Variants in NKAPD1 observed in about 807,000 individuals in gnomAD.
The protein encoded by NKAPD1 is NKAP domain containing 1.
A neutral mutation model predicts 30.9 loss-of-function variants in NKAPD1; 12 were observed. The ratio of observed to expected loss-of-function variants is 0.39; its 90% CI spans 0.25 to 0.63. NKAPD1 has a LOEUF of 0.63. NKAPD1 is among the 20% of genes least tolerant of loss of function. The pLI, the probability that NKAPD1 is intolerant of heterozygous loss-of-function variation, is 0.51. For synonymous variants in NKAPD1, 91 were observed against 113.6 expected, an observed-to-expected ratio of 0.80 and a Z score of 1.26; for missense variants, 311 against 344.5, an observed-to-expected ratio of 0.90 and a Z score of 0.77.
At chr11:112,075,263 G>A (rs1865294977) in intron 1 of NKAPD1, among the ~76,000 whole-genome samples, 1 of 152,218 alleles carries the variant, frequency 6.6e-6, no homozygotes, top group Non-Finnish European at 1.5e-5. Flanking sequence ...TAGGGATGGA[G>A]ATACTTGCCT....
chr11:112,078,823 T>C (rs1865384607), intron 3 of NKAPD1, among the ~76,000 whole-genome samples: 1 of 152,152 alleles, frequency 6.6e-6, no homozygotes, highest in South Asian at 2.1e-4. Flanking sequence ...GTGTTGGGAT[T>C]ATAAGCATGA....
intron 4 of NKAPD1, chr11:112,080,834 AGAAG>A (rs1402255554): frequency 2.6e-6 from 1 of 381,056 alleles, no homozygotes; most frequent in Non-Finnish European, 4.8e-6. Flanking sequence ...ATGCTAAGTG[AGAAG>A]GAAGAAGCCA....
chr11:112,077,806 A>G (rs901592752), intron 2 of NKAPD1, among the ~76,000 whole-genome samples: 1 of 150,800 alleles, frequency 6.6e-6, no homozygotes, highest in Non-Finnish European at 1.5e-5. Context: ...CTGTAGCCCA[A>G]TAATTAGTCA....
At chr11:112,075,806 TATA>T (rs1865317825) in intron 2 of NKAPD1, 163 bp downstream of exon 2, 2 of 685,808 alleles carry the variant, frequency 2.9e-6, no homozygotes, top group Non-Finnish European at 4.8e-6. Context: ...AATAGATAAT[TATA>T]ATACAGTTTG....
chr11:112,074,357 C>A lies in NKAPD1; in HGVS notation c.-568C>A. 5.0e-6 allele frequency: 2 copies of A among 399,238 alleles called. No homozygotes were observed. The highest frequency in any genetic ancestry group is 8.8e-6 in the Non-Finnish European group (2 of 226,246). 24.7% of individuals were successfully genotyped at this position (399,238 alleles called of 1,614,324 possible). ...CCCCGCCACGCGAGGCTGCGGCGCACGGTATGGGTGTGTTTGTGTGTATTT... is the reference window on the plus strand; with the variant it reads ...CCCCGCCACGCGAGGCTGCGGCGCAAGGTATGGGTGTGTTTGTGTGTATTT... On this transcript the variant is annotated 5_prime_UTR_variant, in exon 1 of 6. Transcript: ENST00000393047.
chr11:112,078,682 T>C (rs1286597648), intron 3 of NKAPD1, among the ~76,000 whole-genome samples: 1 of 152,212 alleles, frequency 6.6e-6, no homozygotes, highest in Non-Finnish European at 1.5e-5. Flanking sequence ...GGCTTTTCTT[T>C]TTGTAGCTGG....
intron 5 of NKAPD1, 32 bp downstream of exon 5, chr11:112,082,067 A>C: frequency 6.6e-7 from 1 of 1,526,192 alleles, no homozygotes; most frequent in African/African-American, 1.4e-5. Context: ...AAAGAAACTA[A>C]GATGGTACAA....
At chr11:112,082,175 A>AT in intron 5 of NKAPD1, 140 bp downstream of exon 5, 2 of 781,166 alleles carry the variant, frequency 2.6e-6, no homozygotes, top group Non-Finnish European at 4.1e-6. Context: ...TTAGGAGGTG[A>AT]TCCCTGTTTT....
In NKAPD1 at chr11:112,075,611, A is replaced by G; in HGVS notation, c.37A>G (p.Asn13Asp). ...TCCACTGGGGAAGGTCCTCCTGAGG[A>G]ATGTCATCCGGCACACAGATGCTCA... is the stretch of plus-strand genomic sequence containing the variant. Reference protein sequence around the residue: ...RIPLGKVLLRNVIRHTDAHNK... With the variant: ...RIPLGKVLLRDVIRHTDAHNK... Residue 13 changes from asparagine (N) to aspartate (D), a missense_variant, in exon 2 of 6, where the codon AAT (asparagine) becomes GAT (aspartate). Physicochemically the swap from Asn to Asp is conservative, Grantham distance 23. Transcript: ENST00000393047. 6.2e-7 allele frequency: 1 copy of G among 1,608,118 alleles called. No homozygotes were observed. The highest frequency in any genetic ancestry group is 8.5e-7 in the Non-Finnish European group (1 of 1,178,514).
chr11:112,082,266 G>A (rs1356162537), intron 5 of NKAPD1, 199 bp from the exon 6 acceptor site: 1 of 668,236 alleles, frequency 1.5e-6, no homozygotes, highest in African/African-American at 1.8e-5. Flanking sequence ...ACTCAGTATG[G>A]CAGCTTAGAA....
chr11:112,074,326 C>T lies in NKAPD1; in HGVS notation c.-599C>T, dbSNP rs182483100. ...TTTTCTCCCAAACCACTTCTTCCCC[C>T]CTACCCCCCGCCACGCGAGGCTGCG... On this transcript the variant is annotated 5_prime_UTR_variant, in exon 1 of 6. Coordinates refer to ENST00000393047, the MANE Select transcript of NKAPD1 (RefSeq NM_018195.4). 7.5e-6 allele frequency: 3 copies of T among 399,154 alleles called. No homozygotes were observed. Among genetic ancestry groups the T allele is most frequent in the Non-Finnish European group, 1.3e-5 (3 of 226,292 alleles). 24.7% of individuals were successfully genotyped at this position (399,154 alleles called of 1,614,324 possible).
In NKAPD1 at chr11:112,083,974, C is replaced by T. The variant is rs1000436736; in HGVS notation, c.*1002C>T. 2 of 152,636 alleles carry T rather than the reference C, an allele frequency of 1.3e-5. No individual in the cohort carries two copies. The highest frequency in any genetic ancestry group is 2.9e-5 in the Non-Finnish European group (2 of 68,046). The allele number at this position is 152,636 out of a possible 1,614,324, so 9.5% of individuals were successfully genotyped here. A position where few individuals can be genotyped will look rare whatever the true frequency, so the allele number is the denominator to read the frequency against. On this transcript the variant is annotated 3_prime_UTR_variant, in exon 6 of 6. Coordinates refer to ENST00000393047, the MANE Select transcript of NKAPD1 (RefSeq NM_018195.4). ...GACCACATTAATTCCCTTTGCTATA[C>T]TGTGATCCTTAGTATGTTAATTCTT... is the stretch of plus-strand genomic sequence containing the variant.
At position 112,083,043 on chromosome 11, in the gene NKAPD1, G is replaced by C; in HGVS notation, c.*71G>C. 6.6e-7 allele frequency: 1 copy of C among 1,507,200 alleles called. No individual in the cohort carries two copies. Among genetic ancestry groups the C allele is most frequent in the Non-Finnish European group, 8.8e-7 (1 of 1,130,228 alleles). The allele number at this position is 1,507,200 out of a possible 1,614,324, so 93.4% of individuals were successfully genotyped here. A position where few individuals can be genotyped will look rare whatever the true frequency, so the allele number is the denominator to read the frequency against. The stretch of plus-strand genomic sequence containing the variant: ...TCTTACTCCTTGTGGTTTTGCCAGT[G>C]ACTCTTGTTCAGCACGGGGCCTGAG... On this transcript the variant is annotated 3_prime_UTR_variant, in exon 6 of 6. Transcript: ENST00000393047.
intron 4 of NKAPD1, 73 bp downstream of exon 4, chr11:112,080,631 C>CA: frequency 6.5e-7 from 1 of 1,526,984 alleles, no homozygotes; most frequent in Non-Finnish European, 8.8e-7. Context: ...ATTGTCCCCA[C>CA]AAAAAACTTG....
rs377091190 is a variant in NKAPD1 at position 112,083,220 on chromosome 11, C to G, written c.*248C>G. 2.7e-6 allele frequency: 1 copy of G among 377,188 alleles called. No individual in the cohort carries two copies. The highest frequency in any genetic ancestry group is 2.0e-5 in the African/African-American group (1 of 49,046). 23.4% of individuals were successfully genotyped at this position (377,188 alleles called of 1,614,324 possible). A position where few individuals can be genotyped will look rare whatever the true frequency, so the allele number is the denominator to read the frequency against. On this transcript the variant is annotated 3_prime_UTR_variant, in exon 6 of 6. Transcript: ENST00000393047. ...GATTATTTTTTTTTGCAATTAATTA[C>G]GTTTAGTGTAGAGTGCATATACAGC...
intron 2 of NKAPD1, among the ~76,000 whole-genome samples, chr11:112,076,593 A>T (rs1403802590): frequency 6.6e-6 from 1 of 152,224 alleles, no homozygotes; most frequent in Admixed American, 6.5e-5. Context: ...GGATTAACAC[A>T]TATTTTTTAT....
chr11:112,080,806 C>T (rs577774275), intron 4 of NKAPD1: 16 of 433,622 alleles, frequency 3.7e-5, no homozygotes, highest in Non-Finnish European at 5.8e-5. Context: ...CATGTTACAA[C>T]GTGGCCTTGA....
At chr11:112,081,095 G>T in intron 4 of NKAPD1, 1 of 152,354 alleles carries the variant, frequency 6.6e-6, no homozygotes, top group South Asian at 2.1e-4. Flanking sequence ...GGGAGGCCGA[G>T]GCGGGCGGAT....
Position 112,078,214 on chromosome 11 carries a change from G to C in NKAPD1, c.70-1G>C, listed in dbSNP as rs1372977194. ...TTTTATTTCCTTTTTAAAAATTCTAGATTCAGGAGGAATCAGATATGTGGA... is the reference window on the plus strand; with the variant it reads ...TTTTATTTCCTTTTTAAAAATTCTACATTCAGGAGGAATCAGATATGTGGA... On this transcript the variant is annotated splice_acceptor_variant, in intron 2 of 5. Transcript: ENST00000393047. LOFTEE classifies it high-confidence loss of function. 6.3e-7 allele frequency: 1 copy of C among 1,585,256 alleles called. No individual in the cohort carries two copies. The highest frequency in any genetic ancestry group is 2.3e-5 in the East Asian group (1 of 44,422).
Sources: gnomAD v4.1 joint callset for allele counts (sites outside exome capture counted in the v4.1 genomes callset) on GRCh38, gnomAD v4.1.1 for gene constraint, MANE v1.5 for transcripts, NCBI Gene and HGNC (gene_info 2026-07-23, HGNC 2026-07-21) for gene names.